The following NOP9 variants were observed in gnomAD, a reference collection of about 807,000 sequenced individuals.
NOP9 encodes the protein nucleolar protein 9.
A neutral mutation model predicts 63.0 loss-of-function variants in NOP9; 50 were observed. That is an observed-to-expected ratio of 0.79 (90% CI 0.63 to 1.00). NOP9 has a LOEUF of 1.00. Among genes scored for constraint, NOP9 ranks in the 50% least tolerant of loss-of-function variants. The probability of loss-of-function intolerance (pLI) is 0.00; values close to 1 mark genes in which losing one functional copy is unlikely to be tolerated. For missense variants in NOP9, 758 were observed against 803.0 expected, an observed-to-expected ratio of 0.94 and a Z score of 0.68; for synonymous variants, 343 against 332.8, an observed-to-expected ratio of 1.03 and a Z score of -0.33.
chr14:24,288,492 G>A, the NOP9 span, among the ~76,000 whole-genome samples: 10 of 152,216 alleles, frequency 6.6e-5, no homozygotes, highest in Non-Finnish European at 1.2e-4. Context: ...TGGGATTAGA[G>A]GCGTGCTCCA....
At chr14:24,301,827 G>A in intron 3 of NOP9, 105 bp downstream of exon 3, 4 of 1,482,756 alleles carry the variant, frequency 2.7e-6, no homozygotes, top group Non-Finnish European at 3.7e-6. Context: ...TTTCAAACCT[G>A]GTCTGGTTTG....
In NOP9 at chr14:24,304,029, C is replaced by T. The variant is rs780597624; in HGVS notation, c.1411-12C>T. Reference sequence around the variant, plus strand: ...GTTGGTGCCTCCTAATTTCTTATCTCTGCGCTGCCAGGTGGCAATGGCCGC... The same window carrying T: ...GTTGGTGCCTCCTAATTTCTTATCTTTGCGCTGCCAGGTGGCAATGGCCGC... On this transcript the variant is annotated splice_polypyrimidine_tract_variant and intron_variant, in intron 7 of 9. Transcript: ENST00000267425. The T allele has an allele frequency of 4.3e-6, 7 of 1,612,004 alleles. No homozygotes were observed. In the Admixed American group the frequency reaches 1.2e-4, roughly 27 times the overall value.
Position 24,307,812 on chromosome 14 carries a change from A to G in NOP9, c.*2717A>G, listed in dbSNP as rs1253808457. 1 of 1,593,188 alleles carries G rather than the reference A, an allele frequency of 6.3e-7. No homozygotes were observed. The highest frequency in any genetic ancestry group is 1.1e-5 in the South Asian group (1 of 87,830). On this transcript the variant is annotated 3_prime_UTR_variant, in exon 10 of 10. Transcript: ENST00000267425. ...GTGGAGGGTAGAGCGGAGGGTTAGC[A>G]GTCACCTGAGTAAGTCACTGGGGTT...
the NOP9 span, chr14:24,271,224 C>A: frequency 1.5e-6 from 2 of 1,371,604 alleles, no homozygotes; most frequent in South Asian, 1.6e-5. Context: ...CCGCCCACAG[C>A]TGTGTCCGGA....
the NOP9 span, chr14:24,271,385 C>T: frequency 2.7e-6 from 1 of 372,552 alleles, no homozygotes; most frequent in African/African-American, 2.1e-5. Flanking sequence ...GAGCGCGAGC[C>T]GGGGCACCTG....
chr14:24,281,251 G>A, the NOP9 span, among the ~76,000 whole-genome samples: 2 of 152,196 alleles, frequency 1.3e-5, no homozygotes, highest in African/African-American at 2.4e-5. Flanking sequence ...GCCAAGGACC[G>A]ATGGATAGCA....
At chr14:24,275,559 A>T in the NOP9 span, among the ~76,000 whole-genome samples, 1 of 152,146 alleles carries the variant, frequency 6.6e-6, no homozygotes, top group Non-Finnish European at 1.5e-5. Flanking sequence ...TGCTCCCAAC[A>T]TACATACACA....
At chr14:24,285,817 G>A in the NOP9 span, among the ~76,000 whole-genome samples, 3 of 152,022 alleles carry the variant, frequency 2.0e-5, no homozygotes, top group Admixed American at 2.0e-4. Flanking sequence ...GGTGAAACCC[G>A]GTCTCTACTA....
the NOP9 span, chr14:24,294,225 A>G: frequency 2.0e-5 from 3 of 152,234 alleles, no homozygotes; most frequent in Admixed American, 6.5e-5. Context: ...GACAGATTTG[A>G]CGTAAAATTA....
the NOP9 span, among the ~76,000 whole-genome samples, chr14:24,288,436 G>C: frequency 1.3e-5 from 2 of 151,808 alleles, no homozygotes; most frequent in African/African-American, 4.8e-5. Flanking sequence ...TGCAACCTCT[G>C]CCTTCCGGGT....
chr14:24,287,461 T>C, the NOP9 span, among the ~76,000 whole-genome samples: 14 of 152,226 alleles, frequency 9.2e-5, no homozygotes, highest in Non-Finnish European at 1.6e-4. Flanking sequence ...GTGCTTGGCT[T>C]CACCAACCCT....
At chr14:24,296,757 T>C (rs765209628), upstream of NOP9, 4 of 1,614,182 alleles carry the variant, frequency 2.5e-6, no homozygotes, top group East Asian at 2.2e-5. Context: ...TGCATAAGCA[T>C]TGTTGACCAG....
chr14:24,282,545 T>C, the NOP9 span, among the ~76,000 whole-genome samples: 1 of 152,178 alleles, frequency 6.6e-6, no homozygotes, highest in Non-Finnish European at 1.5e-5. Context: ...CCCTCTTGCT[T>C]GAGGCCCTCT....
chr14:24,284,336 G>A, the NOP9 span, among the ~76,000 whole-genome samples: 4 of 152,218 alleles, frequency 2.6e-5, no homozygotes, highest in Non-Finnish European at 4.4e-5. Context: ...AGGCTTGCCT[G>A]TACCCGTCCA....
the NOP9 span, chr14:24,292,674 G>A: frequency 3.1e-6 from 5 of 1,614,062 alleles, no homozygotes; most frequent in Non-Finnish European, 4.2e-6. Context: ...CACACCATAG[G>A]GGACATTGAA....
chr14:24,293,589 TAAAA>T, the NOP9 span: 200 of 151,284 alleles, frequency 1.3e-3, 1 homozygote, highest in African/African-American at 4.6e-3. Context: ...AATAAATAAA[TAAAA>T]AGAAAGAGAA....
At chr14:24,275,364 T>G in the NOP9 span, among the ~76,000 whole-genome samples, 18 of 152,220 alleles carry the variant, frequency 1.2e-4, no homozygotes, top group Admixed American at 1.0e-3. Context: ...TATTTTACAA[T>G]GAAGCAACAG....
the NOP9 span, among the ~76,000 whole-genome samples, chr14:24,288,876 ACT>A: frequency 6.6e-6 from 1 of 151,402 alleles, no homozygotes; most frequent in East Asian, 1.9e-4. Flanking sequence ...ACTGGGTCTC[ACT>A]CTGTTGCTCA....
chr14:24,289,704 T>C, the NOP9 span, among the ~76,000 whole-genome samples: 3 of 152,220 alleles, frequency 2.0e-5, no homozygotes, highest in East Asian at 1.9e-4. Flanking sequence ...AAAGCTTTGA[T>C]TGGTAGCATT....
Sources: gnomAD v4.1 joint callset for allele counts (sites outside exome capture counted in the v4.1 genomes callset) on GRCh38, gnomAD v4.1.1 for gene constraint, MANE v1.5 for transcripts, NCBI Gene and HGNC (gene_info 2026-07-23, HGNC 2026-07-21) for gene names.